The following FLT4 variants were observed in gnomAD, a reference collection of about 807,000 sequenced individuals.
FLT4 encodes the protein vascular endothelial growth factor receptor 3.
FLT4 carries 30 observed loss-of-function variants against 163.2 expected under a neutral mutation model. That is an observed-to-expected ratio of 0.18 (90% CI 0.14 to 0.25). FLT4 has a LOEUF of 0.25. Among genes scored for constraint, FLT4 ranks in the 10% least tolerant of loss-of-function variants. FLT4 has a pLI of 1.00. For synonymous variants in FLT4, 884 were observed against 789.5 expected (o/e 1.12, Z -2.01); for missense variants, 1,510 against 1,863.8 (o/e 0.81, Z 3.50).
intron 29 of FLT4, chr5:180,607,940 G>GC: frequency 1.6e-6 from 1 of 606,990 alleles, no homozygotes; most frequent in African/African-American, 1.8e-5. Context: ...AAGCAGTAAC[G>GC]CCAGTGTCTG....
intron 1 of FLT4, among the ~76,000 whole-genome samples, chr5:180,639,135 G>A (rs1240821376): frequency 6.7e-6 from 1 of 148,168 alleles, no homozygotes; most frequent in South Asian, 2.2e-4. Flanking sequence ...GGATGCATGG[G>A]TGGGTGGAGG....
intron 26 of FLT4, 78 bp downstream of exon 26, chr5:180,612,428 C>T (rs1302407504): frequency 2.8e-6 from 3 of 1,063,918 alleles, no homozygotes; most frequent in South Asian, 1.2e-5. Context: ...CCTAGATGGG[C>T]TTGGAGGGGC....
chr5:180,618,804 C>T lies in FLT4; in HGVS notation c.2967G>A (p.Glu989=), dbSNP rs758051533. 28 of 1,587,688 alleles carry T rather than the reference C, an allele frequency of 1.8e-5. No homozygotes were observed. The Admixed American group carries it at 4.2e-4, about 24-fold the overall frequency. Residue 989 remains glutamate, a synonymous_variant, in exon 21 of 30, where the codon GAG becomes GAA. Coordinates refer to ENST00000261937, the MANE Select transcript of FLT4 (RefSeq NM_182925.5). ...RVLFARFSKT[E]GGARRASPDQ... is the part of the protein sequence containing the mutation. ...CTGGAGAAGCCCGCCTCGCTCCGCC[C>T]TCGGTCTTCGAGAACCGCGCGAAGA...
chr5:180,649,646 G>A (rs553490007), upstream of FLT4: 7 of 466,302 alleles, frequency 1.5e-5, no homozygotes, highest in South Asian at 2.9e-4. Context: ...GGGCGGGGCG[G>A]GGGCCGGAGG....
Position 180,636,541 on chromosome 5 carries a change from T to C in FLT4, c.59-4763A>G, listed in dbSNP as rs571716945. ...CTCATTCTCTGCTGACCGTAGCTCCTGGCTCACCATCCCCCCCACCCCAGC... is the reference window on the plus strand; with the variant it reads ...CTCATTCTCTGCTGACCGTAGCTCCCGGCTCACCATCCCCCCCACCCCAGC... On this transcript the variant is annotated intron_variant, in intron 1 of 29. Coordinates refer to ENST00000261937, the MANE Select transcript of FLT4 (RefSeq NM_182925.5). This position sits in a 1 kb window ranked among gnomAD's most constrained non-coding sequence, Gnocchi z 4.3. Among the ~76,000 whole-genome samples the C allele has an allele frequency of 2.6e-4, 35 of 134,900 alleles. No homozygotes were observed. In the South Asian group the frequency reaches 9.1e-3, roughly 35 times the overall value. The allele number at this position is 134,900 out of a possible 152,430, so 88.5% of individuals were successfully genotyped here. A position where few individuals can be genotyped will look rare whatever the true frequency, so the allele number is the denominator to read the frequency against.
At chr5:180,649,952 T>A (rs1765663129), upstream of FLT4, among the ~76,000 whole-genome samples, 1 of 151,984 alleles carries the variant, frequency 6.6e-6, no homozygotes, top group Non-Finnish European at 1.5e-5. Context: ...AAAAATAGTA[T>A]GTTACATCTT....
At chr5:180,626,786 T>G (rs1482943653) in intron 8 of FLT4, among the ~76,000 whole-genome samples, 1 of 152,222 alleles carries the variant, frequency 6.6e-6, no homozygotes, top group Non-Finnish European at 1.5e-5. Flanking sequence ...GCGTGGCCCC[T>G]GCAGACATGT....
At chr5:180,650,265 C>T (rs1765672750), upstream of FLT4, among the ~76,000 whole-genome samples, 1 of 151,818 alleles carries the variant, frequency 6.6e-6, no homozygotes, top group South Asian at 2.1e-4. Flanking sequence ...CACCCGTGAG[C>T]GGGACACCCG....
intron 8 of FLT4, 67 bp from the exon 9 acceptor site, chr5:180,626,332 C>T: frequency 6.4e-7 from 1 of 1,564,112 alleles, no homozygotes; most frequent in Admixed American, 1.7e-5. Flanking sequence ...TGCTGGCACC[C>T]CCACCCCAAA....
At chr5:180,625,436 T>G (rs1763528029) in intron 10 of FLT4, among the ~76,000 whole-genome samples, 1 of 152,214 alleles carries the variant, frequency 6.6e-6, no homozygotes, top group African/African-American at 2.4e-5. Context: ...CTGAGGCCCA[T>G]GAGCACACAT....
At chr5:180,647,603 C>A (rs1038285516) in intron 1 of FLT4, among the ~76,000 whole-genome samples, 3 of 151,960 alleles carry the variant, frequency 2.0e-5, no homozygotes, top group Admixed American at 1.3e-4. Flanking sequence ...CCCTGACACC[C>A]GACTGCAGCT....
Position 180,620,816 on chromosome 5 carries a change from C to A in FLT4, c.2299+60G>T, listed in dbSNP as rs1763081233. On this transcript the variant is annotated intron_variant, in intron 15 of 29. Transcript: ENST00000261937. This position sits in a 1 kb window ranked among gnomAD's most constrained non-coding sequence, Gnocchi z 4.4. ...GTGGCCACGACTTGCCCAAGGTGGC[C>A]ACAAGAAAGCGTTAACTGGGGACGG... is the stretch of plus-strand genomic sequence containing the variant. 3 of 1,608,628 alleles carry A rather than the reference C, an allele frequency of 1.9e-6. No individual in the cohort carries two copies. Among genetic ancestry groups the A allele is most frequent in the African/African-American group, 2.7e-5 (2 of 74,858 alleles).
intron 18 of FLT4, 57 bp from the exon 19 acceptor site, chr5:180,619,423 C>T (rs755732434): frequency 1.9e-6 from 2 of 1,073,026 alleles, no homozygotes; most frequent in Non-Finnish European, 2.6e-6. Context: ...CCGTTCCCCG[C>T]CACCCGGCGC....
At chr5:180,611,593 C>T (rs2127792306) in intron 26 of FLT4, 114 bp from the exon 27 acceptor site, 2 of 1,146,614 alleles carry the variant, frequency 1.7e-6, no homozygotes, top group African/African-American at 1.6e-5. Context: ...GCCCTCAGCC[C>T]TCGCCCCCGC....
intron 1 of FLT4, among the ~76,000 whole-genome samples, chr5:180,645,187 C>A (rs912712110): frequency 6.6e-6 from 1 of 152,198 alleles, no homozygotes; most frequent in Non-Finnish European, 1.5e-5. Flanking sequence ...AGAATGGAGA[C>A]AAATTTCTGG....
chr5:180,630,022 G>C lies in FLT4; in HGVS notation c.597C>G (p.His199Gln). Reference protein sequence around the residue: ...RGMLVSTPLLHDALYLQCETT... With the variant: ...RGMLVSTPLLQDALYLQCETT... ...TCTCGCACTGCAGGTACAGGGCATC[G>C]TGCAGCAGTGGCGTGGACACGAGCA... Residue 199 changes from histidine (H) to glutamine (Q), a missense_variant, in exon 5 of 30, where the codon CAC becomes CAG. By Grantham distance (24) the His-to-Gln change is conservative. This residue lies in a region of FLT4 where 163 missense variants were observed against 281.1 expected (regional missense o/e 0.58). Transcript: ENST00000261937. The surrounding 1 kb of genome is among the most constrained non-coding windows in gnomAD (Gnocchi z 6.3). The C allele has an allele frequency of 6.2e-7, 1 of 1,612,796 alleles. No individual in the cohort carries two copies. The highest frequency in any genetic ancestry group is 8.5e-7 in the Non-Finnish European group (1 of 1,180,002).
chr5:180,626,309 A>G (rs1287816791), intron 8 of FLT4, 44 bp from the exon 9 acceptor site: 1 of 1,600,400 alleles, frequency 6.2e-7, no homozygotes, highest in East Asian at 2.2e-5. Context: ...ATCCCACCAC[A>G]GCCCCAACCT....
At chr5:180,607,534 G>A (rs1190431656) in intron 29 of FLT4, among the ~76,000 whole-genome samples, 2 of 151,566 alleles carry the variant, frequency 1.3e-5, no homozygotes, top group East Asian at 3.9e-4. Flanking sequence ...CCAGCTACTC[G>A]GAAGGCTGAG....
intron 24 of FLT4, 56 bp from the exon 25 acceptor site, chr5:180,613,166 C>T (rs1176325440): frequency 2.4e-6 from 3 of 1,272,088 alleles, no homozygotes; most frequent in South Asian, 2.4e-5. Flanking sequence ...CTCAGCCCAG[C>T]CCCCCAAGTC....
Sources: gnomAD v4.1 joint callset for allele counts (sites outside exome capture counted in the v4.1 genomes callset) on GRCh38, gnomAD v4.1.1 for gene constraint, gnomAD v4.1.1 regional missense constraint, Gnocchi (gnomAD v3.1) non-coding constraint, MANE v1.5 for transcripts, NCBI Gene and HGNC (gene_info 2026-07-23, HGNC 2026-07-21) for gene names.